The following HHIP variants were observed in gnomAD, a reference collection of about 807,000 sequenced individuals.
The protein encoded by HHIP is hedgehog interacting protein.
Under a neutral mutation model 74.0 loss-of-function variants are expected in HHIP, and 12 were observed. The observed-to-expected ratio is 0.16, with a 90% CI of 0.10 to 0.26. The LOEUF is 0.26. Among genes scored for constraint, HHIP ranks in the 10% least tolerant of loss-of-function variants. The pLI is 1.00. For missense variants in HHIP, 788 were observed against 845.0 expected, an observed-to-expected ratio of 0.93 and a Z score of 0.84; for synonymous variants, 309 against 311.6, an observed-to-expected ratio of 0.99 and a Z score of 0.09.
chr4:144,677,533 T>C (rs1233309414), intron 4 of HHIP, among the ~76,000 whole-genome samples: 1 of 152,128 alleles, frequency 6.6e-6, no homozygotes, highest in African/African-American at 2.4e-5. Flanking sequence ...CCAGAACTTC[T>C]CTGGAGCCAA....
At chr4:144,668,948 T>G (rs1248301899) in intron 4 of HHIP, among the ~76,000 whole-genome samples, 1 of 151,956 alleles carries the variant, frequency 6.6e-6, no homozygotes, top group Non-Finnish European at 1.5e-5. Flanking sequence ...GTCTATGTAG[T>G]GTAAGGCTTT....
In HHIP at chr4:144,652,815, A is replaced by G. The variant is rs200277008; in HGVS notation, c.472+18A>G. 7.9e-6 allele frequency: 12 copies of G among 1,510,368 alleles called. No homozygotes were observed. The African/African-American group carries it at 9.8e-5, about 12-fold the overall frequency. The allele number at this position is 1,510,368 out of a possible 1,614,324, so 93.6% of individuals were successfully genotyped here. A position where few individuals can be genotyped will look rare whatever the true frequency, so the allele number is the denominator to read the frequency against. The stretch of plus-strand genomic sequence containing the variant: ...TATTCCAGGTAAGAAAAAAAAATGC[A>G]TAAGTAAAATAAACCACTGCACAAT... On this transcript the variant is annotated intron_variant, in intron 2 of 12. Transcript: ENST00000296575.
chr4:144,673,830 G>A (rs1729107078), intron 4 of HHIP, among the ~76,000 whole-genome samples: 1 of 152,106 alleles, frequency 6.6e-6, no homozygotes, highest in African/African-American at 2.4e-5. Flanking sequence ...CTTCTTTGTT[G>A]TAGATATTTG....
intron 4 of HHIP, among the ~76,000 whole-genome samples, chr4:144,675,682 A>G (rs1036319175): frequency 2.0e-5 from 3 of 152,126 alleles, no homozygotes; most frequent in Admixed American, 6.6e-5. Context: ...ATGTATATAT[A>G]CATATGTGTG....
chr4:144,647,152 T>C (rs907070640), intron 1 of HHIP, 198 bp downstream of exon 1: 21 of 524,890 alleles, frequency 4.0e-5, no homozygotes, highest in African/African-American at 3.8e-4. Flanking sequence ...TCCCCCAGAG[T>C]CCGCGGTCGG....
At position 144,742,413 on chromosome 4, in the gene HHIP, T is replaced by C. The variant is rs1578737970; in HGVS notation, c.*4456T>C. On this transcript the variant is annotated 3_prime_UTR_variant, in exon 13 of 13. Transcript: ENST00000296575. ...TCCAATTCAGCTGCTCTAGCATAGA[T>C]ACAGGAAAGACATGGAGAATAACAC... 1.3e-5 allele frequency: 2 copies of C among 152,224 alleles called. No individual in the cohort carries two copies. The highest frequency in any genetic ancestry group is 3.9e-4 in the East Asian group (2 of 5,188). 9.4% of individuals were successfully genotyped at this position (152,224 alleles called of 1,614,324 possible).
intron 4 of HHIP, among the ~76,000 whole-genome samples, chr4:144,680,996 A>T (rs1375565424): frequency 2.0e-5 from 3 of 152,214 alleles, no homozygotes; most frequent in African/African-American, 7.2e-5. Flanking sequence ...ATTTTGACTG[A>T]CTAATAATTT....
chr4:144,655,080 G>A (rs900003358), intron 2 of HHIP: 2 of 152,084 alleles, frequency 1.3e-5, no homozygotes, highest in African/African-American at 4.8e-5. Flanking sequence ...ATGGCTTTAA[G>A]AAAGCACAGT....
chr4:144,703,492 G>A (rs913857811), intron 4 of HHIP, among the ~76,000 whole-genome samples: 2 of 152,196 alleles, frequency 1.3e-5, no homozygotes, highest in African/African-American at 2.4e-5. Context: ...AGGATGAGAA[G>A]GGGTTAGAAG....
intron 1 of HHIP, among the ~76,000 whole-genome samples, chr4:144,647,553 A>C (rs559061726): frequency 6.6e-6 from 1 of 152,336 alleles, no homozygotes; most frequent in South Asian, 2.1e-4. Flanking sequence ...GTTATTTATC[A>C]CATAAAACTG....
intron 11 of HHIP, among the ~76,000 whole-genome samples, chr4:144,725,023 C>T (rs2126678776): frequency 6.6e-6 from 1 of 152,138 alleles, no homozygotes; most frequent in African/African-American, 2.4e-5. Context: ...AACATGGCCA[C>T]CACCACTGCC....
chr4:144,680,587 T>C (rs1282762589), intron 4 of HHIP, among the ~76,000 whole-genome samples: 3 of 152,216 alleles, frequency 2.0e-5, no homozygotes, highest in East Asian at 1.9e-4. Context: ...CTGTACTTTG[T>C]AGATCTGCAA....
chr4:144,726,104 T>A (rs547946875), intron 11 of HHIP, among the ~76,000 whole-genome samples: 1 of 152,348 alleles, frequency 6.6e-6, no homozygotes, highest in Admixed American at 6.5e-5. Flanking sequence ...AACATTTTTA[T>A]CAATTATGGT....
intron 4 of HHIP, among the ~76,000 whole-genome samples, chr4:144,693,404 T>C (rs1483845406): frequency 1.3e-5 from 2 of 152,096 alleles, no homozygotes; most frequent in South Asian, 4.1e-4. Context: ...GTATTAATCA[T>C]AGATATTTAA....
chr4:144,657,272 T>C (rs1439644221), intron 2 of HHIP, among the ~76,000 whole-genome samples: 2 of 152,216 alleles, frequency 1.3e-5, no homozygotes, highest in South Asian at 2.1e-4. Flanking sequence ...GTAGTGTCTT[T>C]TATGCGCCAT....
chr4:144,647,234 A>G, intron 1 of HHIP: 1 of 379,710 alleles, frequency 2.6e-6, no homozygotes, highest in South Asian at 8.6e-5. Context: ...CTGGGTAAAT[A>G]TTTTAAAAGA....
At chr4:144,701,594 G>A (rs1729986809) in intron 4 of HHIP, among the ~76,000 whole-genome samples, 1 of 151,982 alleles carries the variant, frequency 6.6e-6, no homozygotes, top group African/African-American at 2.4e-5. Context: ...CTTATTGATT[G>A]TTTATCCCTA....
chr4:144,720,697 T>C (rs2126672823), intron 11 of HHIP, among the ~76,000 whole-genome samples: 1 of 152,224 alleles, frequency 6.6e-6, no homozygotes, highest in South Asian at 2.1e-4. Flanking sequence ...GATTTGTGTT[T>C]GCTTTTCAGA....
At chr4:144,705,644 T>C (rs1730112683) in intron 4 of HHIP, among the ~76,000 whole-genome samples, 1 of 152,200 alleles carries the variant, frequency 6.6e-6, no homozygotes, top group Non-Finnish European at 1.5e-5. Context: ...GCTAAGACCA[T>C]ATTGAATTTC....
Sources: gnomAD v4.1 joint callset for allele counts (sites outside exome capture counted in the v4.1 genomes callset) on GRCh38, gnomAD v4.1.1 for gene constraint, MANE v1.5 for transcripts, NCBI Gene and HGNC (gene_info 2026-07-23, HGNC 2026-07-21) for gene names.